Variants in GPC6 observed in about 807,000 individuals in gnomAD.
GPC6 encodes the protein glypican-6.
A neutral mutation model predicts 55.2 loss-of-function variants in GPC6; 14 were observed. That is an observed-to-expected ratio of 0.25 (90% CI 0.17 to 0.40). The LOEUF (loss-of-function observed/expected upper bound fraction) is 0.40. GPC6 is among the 10% of genes least tolerant of loss of function. The pLI, the probability that GPC6 is intolerant of heterozygous loss-of-function variation, is 1.00. For missense variants in GPC6, 641 were observed against 708.5 expected (o/e 0.90, Z 1.08); for synonymous variants, 278 against 259.6 (o/e 1.07, Z -0.68).
chr13:93,861,625 T>C (rs1334393477), intron 3 of GPC6, among the ~76,000 whole-genome samples: 1 of 151,648 alleles, frequency 6.6e-6, no homozygotes, highest in Non-Finnish European at 1.5e-5. Flanking sequence ...AAGGTTTTGC[T>C]TTTATTGCAG....
chr13:93,912,506 G>A (rs1240221762), intron 3 of GPC6, among the ~76,000 whole-genome samples: 1 of 152,136 alleles, frequency 6.6e-6, no homozygotes, highest in East Asian at 1.9e-4. Flanking sequence ...CAATTTGGGA[G>A]GCCAAGGCGG....
At chr13:93,694,553 TGC>T (rs1882378807) in intron 2 of GPC6, among the ~76,000 whole-genome samples, 2 of 152,166 alleles carry the variant, frequency 1.3e-5, no homozygotes, top group African/African-American at 4.8e-5. Flanking sequence ...AAAGTGGTAA[TGC>T]TCACAAAATG....
chr13:94,327,963 C>T (rs1299804050), intron 6 of GPC6, among the ~76,000 whole-genome samples: 1 of 152,070 alleles, frequency 6.6e-6, no homozygotes, highest in African/African-American at 2.4e-5. Flanking sequence ...CATGCTTCCT[C>T]CCCCTTCCCC....
chr13:93,545,497 AT>A, intron 2 of GPC6, 76 bp downstream of exon 2: 3 of 1,270,072 alleles, frequency 2.4e-6, no homozygotes, highest in South Asian at 1.2e-5. Context: ...TATGAAAAAT[AT>A]TTTTTTAAAA....
At chr13:94,361,377 G>A (rs577609605) in intron 6 of GPC6, among the ~76,000 whole-genome samples, 1 of 152,266 alleles carries the variant, frequency 6.6e-6, no homozygotes, top group Admixed American at 6.5e-5. Flanking sequence ...ATTTAAACAG[G>A]GAACCCTGCA....
intron 3 of GPC6, among the ~76,000 whole-genome samples, chr13:93,889,614 T>C (rs1291113983): frequency 6.6e-6 from 1 of 152,154 alleles, no homozygotes; most frequent in East Asian, 1.9e-4. Context: ...TGTGGTACTT[T>C]GTAATGAAGC....
chr13:93,273,146 A>T (rs1209760590), intron 1 of GPC6, among the ~76,000 whole-genome samples: 1 of 152,028 alleles, frequency 6.6e-6, no homozygotes, highest in African/African-American at 2.4e-5. Context: ...ACTAGGAAAA[A>T]CCTTTTAGTT....
intron 1 of GPC6, among the ~76,000 whole-genome samples, chr13:93,542,366 C>G (rs1375135974): frequency 6.6e-6 from 1 of 152,148 alleles, no homozygotes. Context: ...GGGCTCTGTT[C>G]TGTACCATTG....
chr13:94,188,954 T>C (rs1324797115), intron 4 of GPC6, among the ~76,000 whole-genome samples: 1 of 152,166 alleles, frequency 6.6e-6, no homozygotes, highest in Non-Finnish European at 1.5e-5. Flanking sequence ...TCTAGTGCTG[T>C]GGAGAAGCAG....
intron 2 of GPC6, among the ~76,000 whole-genome samples, chr13:93,668,309 TA>T (rs1881225336): frequency 6.6e-6 from 1 of 152,248 alleles, no homozygotes; most frequent in Admixed American, 6.5e-5. Flanking sequence ...TTTAATTGTG[TA>T]AAAAGTTGCC....
At chr13:93,830,693 A>T (rs1419161179) in intron 3 of GPC6, 148 bp downstream of exon 3, 2 of 701,828 alleles carry the variant, frequency 2.8e-6, no homozygotes, top group Non-Finnish European at 4.7e-6. Context: ...TAAATATCAA[A>T]GCATAATTCT....
intron 3 of GPC6, among the ~76,000 whole-genome samples, chr13:93,954,780 A>T (rs960018732): frequency 6.6e-6 from 1 of 152,140 alleles, no homozygotes; most frequent in African/African-American, 2.4e-5. Context: ...GTCTCTAAGT[A>T]AATATAAGAT....
chr13:93,720,728 C>G (rs1207819167), intron 2 of GPC6, among the ~76,000 whole-genome samples: 1 of 152,044 alleles, frequency 6.6e-6, no homozygotes, highest in African/African-American at 2.4e-5. Flanking sequence ...CCTCTAAACA[C>G]TGCTTTAGCT....
At chr13:93,808,326 A>G (rs999953273) in intron 2 of GPC6, among the ~76,000 whole-genome samples, 7 of 152,222 alleles carry the variant, frequency 4.6e-5, no homozygotes, top group African/African-American at 4.8e-5. Context: ...ATGCTCTTGT[A>G]AAGAGCCTTA....
At chr13:93,342,231 A>G (rs1466715648) in intron 1 of GPC6, among the ~76,000 whole-genome samples, 2 of 152,136 alleles carry the variant, frequency 1.3e-5, no homozygotes, top group Non-Finnish European at 2.9e-5. Context: ...GGAGACCCAT[A>G]GAAGACTGGG....
chr13:94,025,233 A>G (rs979785428), intron 3 of GPC6, among the ~76,000 whole-genome samples: 27 of 152,204 alleles, frequency 1.8e-4, no homozygotes, highest in Admixed American at 1.1e-3. Context: ...GGAGAAAAGC[A>G]TCAGTCAGGA....
Position 94,303,165 on chromosome 13 carries a change from T to C in GPC6, c.1009-2815T>C, listed in dbSNP as rs563129609. On this transcript the variant is annotated intron_variant, in intron 5 of 8. Coordinates refer to ENST00000377047, the MANE Select transcript of GPC6 (RefSeq NM_005708.5). ...AAGAGTGTGCAGTTGCAAGATTTAA[T>C]AGAGTGAAAACAGAGCTGCCATACA... Among the ~76,000 whole-genome samples the C allele has an allele frequency of 2.0e-5, 3 of 152,260 alleles. No homozygotes were observed. In the South Asian group the frequency reaches 6.2e-4, roughly 32 times the overall value.
At chr13:93,920,787 C>A (rs1195627750) in intron 3 of GPC6, among the ~76,000 whole-genome samples, 4 of 152,208 alleles carry the variant, frequency 2.6e-5, no homozygotes, top group Non-Finnish European at 5.9e-5. Context: ...CTGTCCAGGG[C>A]TACCTATACC....
At chr13:94,058,825 T>C (rs1191028733) in intron 4 of GPC6, among the ~76,000 whole-genome samples, 2 of 152,174 alleles carry the variant, frequency 1.3e-5, no homozygotes, top group East Asian at 3.9e-4. Flanking sequence ...CACATCCAAA[T>C]TCTGATAAGT....
Sources: gnomAD v4.1 joint callset for allele counts (sites outside exome capture counted in the v4.1 genomes callset) on GRCh38, gnomAD v4.1.1 for gene constraint, MANE v1.5 for transcripts, NCBI Gene and HGNC (gene_info 2026-07-23, HGNC 2026-07-21) for gene names.